Variants in GOLIM4 observed in about 807,000 individuals in gnomAD.
GOLIM4 encodes the protein golgi integral membrane protein 4, also known as 130 kDa golgi-localized phosphoprotein.
A neutral mutation model predicts 107.4 loss-of-function variants in GOLIM4; 71 were observed. The observed-to-expected ratio is 0.66, with a 90% CI of 0.55 to 0.81. The LOEUF (loss-of-function observed/expected upper bound fraction) is 0.81. Ranked by LOEUF, GOLIM4 falls within the 30% of genes least tolerant of loss-of-function variation. GOLIM4 has a pLI of 0.00. For synonymous variants in GOLIM4, 327 were observed against 294.8 expected, an observed-to-expected ratio of 1.11 and a Z score of -1.12; for missense variants, 830 against 826.1, an observed-to-expected ratio of 1.00 and a Z score of -0.06.
intron 1 of GOLIM4, among the ~76,000 whole-genome samples, chr3:168,069,152 C>A (rs1341688905): frequency 1.3e-5 from 2 of 152,098 alleles, no homozygotes; most frequent in East Asian, 1.9e-4. Context: ...AAAATTGCTA[C>A]ACAAACTATT....
At chr3:168,056,301 A>G (rs1719968089) in intron 1 of GOLIM4, among the ~76,000 whole-genome samples, 1 of 152,226 alleles carries the variant, frequency 6.6e-6, no homozygotes, top group African/African-American at 2.4e-5. Flanking sequence ...CTCCACCTAG[A>G]TTTCAGAAGA....
At chr3:168,089,487 G>A (rs977307845) in intron 1 of GOLIM4, among the ~76,000 whole-genome samples, 1 of 152,140 alleles carries the variant, frequency 6.6e-6, no homozygotes, top group African/African-American at 2.4e-5. Context: ...ATAACCTTTT[G>A]TAAGCACTAT....
intron 7 of GOLIM4, among the ~76,000 whole-genome samples, chr3:168,039,718 A>G (rs11916884): frequency 0.012 from 1,798 of 152,334 alleles, 34 homozygotes; most frequent in African/African-American, 0.041. Context: ...TACAGCACAC[A>G]GAGCACTCAA....
intron 1 of GOLIM4, among the ~76,000 whole-genome samples, chr3:168,051,972 G>GAA (rs1719673439): frequency 6.6e-6 from 1 of 152,138 alleles, no homozygotes; most frequent in Non-Finnish European, 1.5e-5. Context: ...CCTTCGAACT[G>GAA]AAAAATCTAG....
intron 7 of GOLIM4, among the ~76,000 whole-genome samples, chr3:168,039,856 A>G (rs1211583370): frequency 1.3e-5 from 2 of 152,190 alleles, no homozygotes; most frequent in African/African-American, 2.4e-5. Flanking sequence ...CATGTAAAAA[A>G]TCACTACACA....
At chr3:168,085,340 T>C (rs1390588917) in intron 1 of GOLIM4, among the ~76,000 whole-genome samples, 2 of 152,076 alleles carry the variant, frequency 1.3e-5, no homozygotes, top group Admixed American at 1.3e-4. Flanking sequence ...CTCCTAAGGG[T>C]TCCTCAGAGC....
At chr3:168,084,282 G>A (rs1334273738) in intron 1 of GOLIM4, among the ~76,000 whole-genome samples, 3 of 152,152 alleles carry the variant, frequency 2.0e-5, no homozygotes, top group Non-Finnish European at 4.4e-5. Flanking sequence ...TATATAGCCT[G>A]TGGAATTGTG....
Position 168,010,124 on chromosome 3 carries a change from A to C in GOLIM4, c.*145T>G. The C allele has an allele frequency of 1.7e-6, 1 of 593,876 alleles. No individual in the cohort carries two copies. The highest frequency in any genetic ancestry group is 2.9e-6 in the Non-Finnish European group (1 of 344,584). 36.8% of individuals were successfully genotyped at this position (593,876 alleles called of 1,614,324 possible). A position where few individuals can be genotyped will look rare whatever the true frequency, so the allele number is the denominator to read the frequency against. On this transcript the variant is annotated 3_prime_UTR_variant, in exon 16 of 16. Coordinates refer to ENST00000470487, the MANE Select transcript of GOLIM4 (RefSeq NM_014498.5). The stretch of plus-strand genomic sequence containing the variant: ...TATCAAAATATATTCATATAAATGT[A>C]TGCGCATTTCTAATACAAAAGTTTT...
chr3:168,051,780 G>A (rs141959284), intron 1 of GOLIM4, among the ~76,000 whole-genome samples: 1 of 152,294 alleles, frequency 6.6e-6, no homozygotes, highest in Non-Finnish European at 1.5e-5. Flanking sequence ...TTTGAAGGCT[G>A]GAGAATATCA....
intron 9 of GOLIM4, among the ~76,000 whole-genome samples, chr3:168,030,716 G>A (rs935898955): frequency 5.3e-5 from 8 of 152,160 alleles, no homozygotes; most frequent in Non-Finnish European, 7.4e-5. Context: ...AACAACAAAC[G>A]CTAGTGAGGA....
chr3:168,053,767 T>C (rs62273310), intron 1 of GOLIM4, among the ~76,000 whole-genome samples: 25,479 of 152,188 alleles, frequency 0.17, 2,404 homozygotes, highest in Middle Eastern at 0.24. Context: ...AAAGAACAAG[T>C]TGATGGGTCA....
Position 168,077,541 on chromosome 3 carries a change from T to G in GOLIM4, c.187+17558A>C, listed in dbSNP as rs1297902778. Reference sequence around the variant, plus strand: ...CACCATCACCAAACCACAGCCAAACTGCAGACCTGTGAACACAATTATATT... The same window carrying G: ...CACCATCACCAAACCACAGCCAAACGGCAGACCTGTGAACACAATTATATT... On this transcript the variant is annotated intron_variant, in intron 1 of 15. Coordinates refer to ENST00000470487, the MANE Select transcript of GOLIM4 (RefSeq NM_014498.5). Among the ~76,000 whole-genome samples the G allele has an allele frequency of 2.0e-5, 3 of 152,174 alleles. No homozygotes were observed. In the East Asian group the frequency reaches 5.8e-4, roughly 29 times the overall value.
intron 1 of GOLIM4, among the ~76,000 whole-genome samples, chr3:168,060,833 TATGTTTAGCATAGGATTG>T (rs1720227806): frequency 6.6e-6 from 1 of 152,140 alleles, no homozygotes; most frequent in Non-Finnish European, 1.5e-5. Flanking sequence ...TTGTCAATAC[TATGTTTAGCATAGGATTG>T]ATGGAAAGGT....
intron 1 of GOLIM4, among the ~76,000 whole-genome samples, chr3:168,091,180 A>T (rs1041466299): frequency 2.6e-5 from 4 of 152,202 alleles, no homozygotes; most frequent in Admixed American, 1.3e-4. Context: ...ACCTTTTTTT[A>T]AAATTTTAAA....
At chr3:168,093,361 G>A (rs1376363340) in intron 1 of GOLIM4, among the ~76,000 whole-genome samples, 2 of 152,200 alleles carry the variant, frequency 1.3e-5, no homozygotes, top group Non-Finnish European at 2.9e-5. Context: ...TTTGTTTGTT[G>A]TTTGAATAAA....
chr3:168,047,953 C>G (rs1328450390), intron 2 of GOLIM4, among the ~76,000 whole-genome samples: 1 of 151,834 alleles, frequency 6.6e-6, no homozygotes, highest in Non-Finnish European at 1.5e-5. Context: ...CAACCCCAGC[C>G]CCCTCAATAT....
rs770576850 is a variant in GOLIM4, at chr3:168,087,738, G to A, written c.187+7361C>T. On this transcript the variant is annotated intron_variant, in intron 1 of 15. Transcript: ENST00000470487. Reference sequence around the variant, plus strand: ...AAGTTACATTAGGTTTCTAAGCTTAGTTTCATCAGGCTAGATCTTGACACT... The same window carrying A: ...AAGTTACATTAGGTTTCTAAGCTTAATTTCATCAGGCTAGATCTTGACACT... Among the ~76,000 whole-genome samples, 46 of 152,200 alleles carry A rather than the reference G, an allele frequency of 3.0e-4. 1 individual carries two copies. The Middle Eastern group carries it at 0.017, about 56-fold the overall frequency.
At chr3:168,029,528 A>G (rs1329458078) in intron 10 of GOLIM4, among the ~76,000 whole-genome samples, 6 of 152,230 alleles carry the variant, frequency 3.9e-5, no homozygotes, top group Non-Finnish European at 8.8e-5. Context: ...TTAAAGATAA[A>G]ATAAAATAAA....
At position 168,075,286 on chromosome 3, in the gene GOLIM4, GTTTTTTTTT is replaced by G. The variant is rs374374393; in HGVS notation, c.187+19804_187+19812del. ...ACTGGTAATTGGCGGACATTCACTA[GTTTTTTTTT>G]TTTTTTTTTTTTTTTTTTTGAGACG... On this transcript the variant is annotated intron_variant, in intron 1 of 15. Transcript: ENST00000470487. 9.6e-5 allele frequency among the ~76,000 whole-genome samples: 9 copies of G among 94,222 alleles called. No individual in the cohort carries two copies. The South Asian group carries it at 2.4e-3, about 25-fold the overall frequency. 61.8% of individuals were successfully genotyped at this position (94,222 alleles called of 152,430 possible).
Sources: gnomAD v4.1 joint callset for allele counts (sites outside exome capture counted in the v4.1 genomes callset) on GRCh38, gnomAD v4.1.1 for gene constraint, MANE v1.5 for transcripts, NCBI Gene and HGNC (gene_info 2026-07-23, HGNC 2026-07-21) for gene names.